The following QPCT variants were observed in gnomAD, a reference collection of about 807,000 sequenced individuals.
QPCT encodes the protein glutaminyl-peptide cyclotransferase.
Under a neutral mutation model 43.4 loss-of-function variants are expected in QPCT, and 44 were observed. That is an observed-to-expected ratio of 1.01 (90% CI 0.80 to 1.30). The LOEUF (loss-of-function observed/expected upper bound fraction) is 1.30. Among genes scored for constraint, QPCT ranks in the 50% most tolerant of loss-of-function variants. The pLI, the probability that QPCT is intolerant of heterozygous loss-of-function variation, is 0.00. For synonymous variants in QPCT, 168 were observed against 168.4 expected (o/e 1.00, Z 0.02); for missense variants, 526 against 436.5 (o/e 1.21, Z -1.83).
intron 5 of QPCT, 134 bp downstream of exon 5, chr2:37,369,918 A>G: frequency 1.3e-6 from 1 of 768,154 alleles, no homozygotes; most frequent in South Asian, 1.7e-5. Context: ...TTGGGAGGCC[A>G]AGGCAGGCAG....
chr2:37,348,655 A>C (rs971096741), intron 1 of QPCT, among the ~76,000 whole-genome samples: 2 of 152,206 alleles, frequency 1.3e-5, no homozygotes, highest in Admixed American at 1.3e-4. Flanking sequence ...AACCCTCTTT[A>C]AAACCACATG....
At chr2:37,353,681 TC>T (rs1397116696) in intron 2 of QPCT, among the ~76,000 whole-genome samples, 1 of 152,174 alleles carries the variant, frequency 6.6e-6, no homozygotes, top group Non-Finnish European at 1.5e-5. Flanking sequence ...ATGTCAGTCT[TC>T]CTAAGCAATC....
intron 2 of QPCT, among the ~76,000 whole-genome samples, chr2:37,359,330 T>A (rs1426942162): frequency 6.6e-6 from 1 of 152,130 alleles, no homozygotes; most frequent in East Asian, 1.9e-4. Context: ...TAACAATTGG[T>A]TGAGATTGAT....
intron 2 of QPCT, chr2:37,358,810 A>G (rs1024078822): frequency 1.3e-5 from 2 of 152,208 alleles, no homozygotes; most frequent in African/African-American, 4.8e-5. Flanking sequence ...GTTGCTTATT[A>G]ATTCTTACAG....
chr2:37,346,977 A>G (rs368615073), intron 1 of QPCT, among the ~76,000 whole-genome samples: 5 of 150,760 alleles, frequency 3.3e-5, no homozygotes, highest in Non-Finnish European at 5.9e-5. Context: ...TGAATATGTA[A>G]AAGCAGATCA....
Position 37,344,807 on chromosome 2 carries a change from T to C in QPCT, c.76T>C (p.Ser26Pro), listed in dbSNP as rs2124928121. ...LLLVAALPWA[S>P]RGVSPSASAW... is the part of the protein sequence containing the mutation. ...GCTGGTGGCCGCCCTGCCCTGGGCA[T>C]CCAGGGGGGTCAGTCCGAGTGCCTC... Residue 26 changes from serine (S) to proline (P), a missense_variant, in exon 1 of 7, where the codon TCC becomes CCC. Transcript: ENST00000338415. The C allele has an allele frequency of 6.2e-7, 1 of 1,608,670 alleles. No homozygotes were observed. The highest frequency in any genetic ancestry group is 2.2e-5 in the East Asian group (1 of 44,570).
chr2:37,358,741 C>T (rs1672799777), intron 2 of QPCT: 1 of 152,196 alleles, frequency 6.6e-6, no homozygotes, highest in Non-Finnish European at 1.5e-5. Context: ...ATTTGCAGTG[C>T]GTCTCAACCT....
intron 2 of QPCT, among the ~76,000 whole-genome samples, chr2:37,357,049 G>A (rs755162174): frequency 3.3e-5 from 5 of 152,014 alleles, no homozygotes; most frequent in African/African-American, 9.7e-5. Context: ...CTCTTTTGAG[G>A]ATATATGCTG....
In QPCT at chr2:37,367,305, G is replaced by A; in HGVS notation, c.620G>A (p.Trp207Ter). The A allele has an allele frequency of 6.2e-7, 1 of 1,613,996 alleles. No homozygotes were observed. The change falls in exon 4 of 7, where the codon TGG (tryptophan) becomes TAG (stop). Residue 207 changes from tryptophan to a stop codon, truncating the protein, a stop_gained. Coordinates refer to ENST00000338415, the MANE Select transcript of QPCT (RefSeq NM_012413.4). LOFTEE classifies it high-confidence loss of function. ...FFDGEEAFLH[W>*]SPQDSLYGSR... ...GATGGTGAAGAGGCTTTTCTTCACT[G>A]GTCTCCTCAAGATTCTCTCTATGGG...
chr2:37,350,022 C>T (rs540546258), intron 1 of QPCT, among the ~76,000 whole-genome samples: 1 of 152,150 alleles, frequency 6.6e-6, no homozygotes, highest in South Asian at 2.1e-4. Context: ...GAGTTCCAGC[C>T]CTTATGGAGC....
chr2:37,360,307 A>T (rs1356725888), intron 3 of QPCT, among the ~76,000 whole-genome samples: 1 of 152,152 alleles, frequency 6.6e-6, no homozygotes, highest in East Asian at 1.9e-4. Context: ...AGAGTGGGTA[A>T]TTCAGACCTA....
chr2:37,364,587 A>G (rs1287190223), intron 3 of QPCT, among the ~76,000 whole-genome samples: 2 of 152,236 alleles, frequency 1.3e-5, no homozygotes, highest in Non-Finnish European at 2.9e-5. Flanking sequence ...AGGTTTGCAG[A>G]GGCAGGACGA....
intron 4 of QPCT, among the ~76,000 whole-genome samples, 193 bp from the exon 5 acceptor site, chr2:37,369,492 C>T (rs1050845504): frequency 1.1e-4 from 16 of 152,202 alleles, no homozygotes; most frequent in African/African-American, 3.6e-4. Flanking sequence ...GTCCACATTA[C>T]ATAAGCAAGA....
intron 5 of QPCT, 59 bp from the exon 6 acceptor site, chr2:37,372,297 T>C (rs946443286): frequency 3.3e-6 from 4 of 1,194,704 alleles, no homozygotes; most frequent in Non-Finnish European, 2.5e-6. Context: ...TAAGGATACA[T>C]TATGAGTCTT....
At chr2:37,370,189 A>G (rs919696934) in intron 5 of QPCT, among the ~76,000 whole-genome samples, 2 of 152,200 alleles carry the variant, frequency 1.3e-5, no homozygotes, top group Non-Finnish European at 2.9e-5. Flanking sequence ...CATCTCAAAA[A>G]AGAAAAAAAA....
intron 4 of QPCT, chr2:37,368,525 C>A: frequency 2.1e-6 from 1 of 465,424 alleles, no homozygotes; most frequent in Non-Finnish European, 4.5e-6. Context: ...ATCCATTGCC[C>A]TATCACTGAC....
chr2:37,359,865 G>A lies in QPCT; in HGVS notation c.546+7G>A, dbSNP rs774658310. The stretch of plus-strand genomic sequence containing the variant: ...GAAACTCCTTTCCTTAAAGGTATCT[G>A]TTTTCTGCTTATTGATTCCTAGGAT... On this transcript the variant is annotated splice_region_variant and intron_variant, in intron 3 of 6. Coordinates refer to ENST00000338415, the MANE Select transcript of QPCT (RefSeq NM_012413.4). The A allele has an allele frequency of 6.2e-7, 1 of 1,611,878 alleles. No homozygotes were observed. Among genetic ancestry groups the A allele is most frequent in the Non-Finnish European group, 8.5e-7 (1 of 1,178,162 alleles).
intron 1 of QPCT, among the ~76,000 whole-genome samples, chr2:37,350,389 C>G (rs910656827): frequency 1.3e-5 from 2 of 152,352 alleles, no homozygotes; most frequent in Middle Eastern, 3.4e-3. Flanking sequence ...CTTCAGCTTT[C>G]TTTTCCAACT....
At chr2:37,362,068 A>G (rs1026020827) in intron 3 of QPCT, among the ~76,000 whole-genome samples, 2 of 152,240 alleles carry the variant, frequency 1.3e-5, no homozygotes, top group African/African-American at 4.8e-5. Flanking sequence ...AAATGAATGG[A>G]TATTAGGCGA....
Sources: allele counts gnomAD v4.1 joint callset (sites outside exome capture counted in the v4.1 genomes callset), GRCh38; gene constraint gnomAD v4.1.1; transcripts MANE v1.5; gene names NCBI Gene and HGNC (gene_info 2026-07-23, HGNC 2026-07-21).